The following USP9X variants were observed in gnomAD, a reference collection of about 807,000 sequenced individuals.
USP9X encodes ubiquitin specific peptidase 9 X-linked.
Under a neutral mutation model 190.3 loss-of-function variants are expected in USP9X, and 7 were observed. The ratio of observed to expected loss-of-function variants is 0.04; its 90% confidence interval spans 0.02 to 0.07. The LOEUF (loss-of-function observed/expected upper bound fraction) is 0.07, where lower values mean the gene tolerates loss of function less well. Ranked by LOEUF, USP9X falls within the 10% of genes least tolerant of loss-of-function variation. The probability of loss-of-function intolerance (pLI) is 1.00; values close to 1 mark genes in which losing one functional copy is unlikely to be tolerated. For synonymous variants in USP9X, 645 were observed against 659.5 expected (o/e 0.98, Z 0.34); for missense variants, 1,010 against 1,916.9 (o/e 0.53, Z 8.83).
At chrX:41,130,812 G>A (rs1356973660) in intron 3 of USP9X, among the ~76,000 whole-genome samples, 3 of 108,781 alleles carry the variant, frequency 2.8e-5, no homozygotes, top group African/African-American at 6.7e-5. Flanking sequence ...TGCAACCTCC[G>A]CCTCCCAGGT....
chrX:41,216,681 G>A, intron 35 of USP9X, 29 bp downstream of exon 35: 1 of 1,159,859 alleles, frequency 8.6e-7, no homozygotes, highest in East Asian at 3.0e-5. Context: ...TAGCTTCTTA[G>A]TAATAAAGAA....
intron 29 of USP9X, 90 bp downstream of exon 29, chrX:41,197,600 C>G: frequency 1.3e-6 from 1 of 791,676 alleles, no homozygotes; most frequent in Non-Finnish European, 1.7e-6. Context: ...AGTATCATGT[C>G]TTTGTACTTT....
chrX:41,124,261 T>C (rs1236413759), intron 2 of USP9X, among the ~76,000 whole-genome samples: 1 of 110,351 alleles, frequency 9.1e-6, no homozygotes, highest in Non-Finnish European at 1.9e-5. Context: ...CTGGCCAATA[T>C]GGTGAAACCC....
intron 32 of USP9X, among the ~76,000 whole-genome samples, chrX:41,207,079 CTTTTTTTTTT>C (rs34779889): frequency 6.6e-5 from 2 of 30,484 alleles, no homozygotes; most frequent in Admixed American, 5.6e-4. Flanking sequence ...GCTCCCTGGC[CTTTTTTTTTT>C]TTTTTTTTTT....
At chrX:41,155,643 T>G (rs2062571359) in intron 14 of USP9X, among the ~76,000 whole-genome samples, 2 of 111,763 alleles carry the variant, frequency 1.8e-5, no homozygotes, top group African/African-American at 6.5e-5. Flanking sequence ...ATGAGTGTCA[T>G]TCACCAACAG....
At chrX:41,117,682 A>C (rs1019665862) in intron 1 of USP9X, among the ~76,000 whole-genome samples, 4 of 101,043 alleles carry the variant, frequency 4.0e-5, no homozygotes. Context: ...GGTTCACGCC[A>C]TTCTCCTGCC....
intron 12 of USP9X, among the ~76,000 whole-genome samples, chrX:41,149,963 C>T (rs1215602135): frequency 9.0e-6 from 1 of 111,158 alleles, no homozygotes; most frequent in African/African-American, 3.3e-5. Context: ...GCCTCGGCCT[C>T]CCAAAGTGGT....
In USP9X at chrX:41,186,635, CTGA is replaced by C; in HGVS notation, c.3681_3683del (p.Asp1227del). Reference sequence around the variant, plus strand: ...TCAGTTCGTCTTGCTCAGCAGATATCTGATGAGGTTAGTTTTATCAAGACTTCT... The same window carrying C: ...TCAGTTCGTCTTGCTCAGCAGATATCTGAGGTTAGTTTTATCAAGACTTCT... On this transcript the variant is annotated inframe_deletion, in exon 24 of 45. Transcript: ENST00000378308. 1 of 1,210,611 alleles carries C rather than the reference CTGA, an allele frequency of 8.3e-7. No individual in the cohort carries two copies. The highest frequency in any genetic ancestry group is 3.0e-5 in the East Asian group (1 of 33,813).
At chrX:41,187,154 T>A (rs2062887932) in intron 24 of USP9X, among the ~76,000 whole-genome samples, 1 of 112,346 alleles carries the variant, frequency 8.9e-6, no homozygotes, top group Admixed American at 9.4e-5. Flanking sequence ...AATTTTGACA[T>A]ATATGTGTGA....
intron 18 of USP9X, among the ~76,000 whole-genome samples, chrX:41,169,101 G>A (rs920475349): frequency 1.2e-4 from 12 of 103,293 alleles, no homozygotes; most frequent in African/African-American, 3.5e-4. Context: ...AATGTAAAAC[G>A]ACCTTTTAAA....
intron 6 of USP9X, among the ~76,000 whole-genome samples, chrX:41,139,215 A>G (rs1218525118): frequency 1.8e-5 from 2 of 112,526 alleles, no homozygotes; most frequent in Non-Finnish European, 3.8e-5. Context: ...GCTGAATGAC[A>G]AAAGGGATCT....
intron 9 of USP9X, among the ~76,000 whole-genome samples, chrX:41,142,519 A>G (rs1469839052): frequency 2.7e-5 from 3 of 111,811 alleles, no homozygotes; most frequent in Non-Finnish European, 5.6e-5. Flanking sequence ...ATAAAAACAA[A>G]TATCTGCAAC....
chrX:41,219,953 C>A (rs910419275), intron 38 of USP9X, among the ~76,000 whole-genome samples: 9 of 111,985 alleles, frequency 8.0e-5, no homozygotes, highest in Non-Finnish European at 1.5e-4. Flanking sequence ...CCACTGCACT[C>A]CAGCCTGGGC....
chrX:41,167,946 A>C (rs1341169540), intron 17 of USP9X, 61 bp from the exon 18 acceptor site: 3 of 992,031 alleles, frequency 3.0e-6, no homozygotes, highest in Non-Finnish European at 4.2e-6. Flanking sequence ...AATTGGATTA[A>C]TATTTGGTTT....
chrX:41,171,055 C>T, intron 20 of USP9X, among the ~76,000 whole-genome samples: 1 of 111,871 alleles, frequency 8.9e-6, no homozygotes, highest in African/African-American at 3.3e-5. Context: ...ATTTTCTGTC[C>T]ACATTTGATT....
In USP9X at chrX:41,170,632, A is replaced by G. The variant is rs763228192; in HGVS notation, c.3027+13A>G. ...TTTGCCTGGAGTGGTGAGTAGATAC[A>G]GTTTTGAACTACTGTATGTAAGGCA... On this transcript the variant is annotated intron_variant, in intron 20 of 44. Transcript: ENST00000378308. 1.0e-5 allele frequency: 12 copies of G among 1,203,848 alleles called. 1 individual carries two copies. The Admixed American group carries it at 2.4e-4, about 24-fold the overall frequency.
intron 12 of USP9X, 94 bp from the exon 13 acceptor site, chrX:41,150,823 TAAAA>T (rs2062518144): frequency 1.1e-6 from 1 of 894,411 alleles, no homozygotes. Context: ...TTGCTAATCT[TAAAA>T]GAAAAGCTTT....
chrX:41,201,291 G>A lies in USP9X; in HGVS notation c.4824+11G>A, dbSNP rs983428159. 1 of 1,186,568 alleles carries A rather than the reference G, an allele frequency of 8.4e-7. No individual in the cohort carries two copies. Among genetic ancestry groups the A allele is most frequent in the African/African-American group, 1.8e-5 (1 of 56,873 alleles). ...AAGCAGGACAATGAGGTAAATTTGA[G>A]TTACCATTTCTGTTTTCTGTGTTTC... is the stretch of plus-strand genomic sequence containing the variant. On this transcript the variant is annotated intron_variant, in intron 31 of 44. Transcript: ENST00000378308.
At chrX:41,218,936 C>G (rs1185820824) in intron 37 of USP9X, among the ~76,000 whole-genome samples, 166 bp from the exon 38 acceptor site, 3 of 111,825 alleles carry the variant, frequency 2.7e-5, no homozygotes, top group Admixed American at 9.5e-5. Flanking sequence ...TGAAATCCGC[C>G]TCTGATCTTC....
Sources: allele counts gnomAD v4.1 joint callset (sites outside exome capture counted in the v4.1 genomes callset), GRCh38; gene constraint gnomAD v4.1.1; transcripts MANE v1.5; gene names NCBI Gene and HGNC (gene_info 2026-07-23, HGNC 2026-07-21).